TESK2: variants seen among roughly 807,000 people sequenced by gnomAD.
TESK2 encodes the protein dual specificity testis-specific protein kinase 2.
Under a neutral mutation model 57.1 loss-of-function variants are expected in TESK2, and 39 were observed. The ratio of observed to expected loss-of-function variants is 0.68; its 90% confidence interval spans 0.53 to 0.89. The LOEUF (loss-of-function observed/expected upper bound fraction) is 0.89, where lower values mean the gene tolerates loss of function less well. TESK2 is among the 40% of genes least tolerant of loss of function. The pLI is 0.00. For missense variants in TESK2, 646 were observed against 732.1 expected, an observed-to-expected ratio of 0.88 and a Z score of 1.36; for synonymous variants, 249 against 267.9, an observed-to-expected ratio of 0.93 and a Z score of 0.69.
At chr1:45,389,637 A>G (rs1649056889) in intron 3 of TESK2, among the ~76,000 whole-genome samples, 1 of 152,210 alleles carries the variant, frequency 6.6e-6, no homozygotes, top group Non-Finnish European at 1.5e-5. Context: ...AATAGAAAAC[A>G]CTAAGGCATT....
At chr1:45,396,494 C>T (rs1383621267) in intron 3 of TESK2, among the ~76,000 whole-genome samples, 1 of 146,114 alleles carries the variant, frequency 6.8e-6, no homozygotes, top group Non-Finnish European at 1.5e-5. Context: ...TGAGATAACT[C>T]TTTTTTTTTT....
chr1:45,374,650 C>T (rs1648333057), intron 4 of TESK2, among the ~76,000 whole-genome samples: 1 of 152,106 alleles, frequency 6.6e-6, no homozygotes, highest in Admixed American at 6.5e-5. Context: ...ATGAAACACT[C>T]TCTAATGAAA....
chr1:45,354,815 A>AAT lies in TESK2; in HGVS notation c.540+486_540+487dup, dbSNP rs199613712. Among the ~76,000 whole-genome samples, 195 of 40,674 alleles carry AAT rather than the reference A, an allele frequency of 4.8e-3. 2 individuals carry two copies. The highest frequency in any genetic ancestry group is 9.3e-3 in the South Asian group (7 of 756). The allele number at this position is 40,674 out of a possible 152,430, so 26.7% of individuals were successfully genotyped here. A position where few individuals can be genotyped will look rare whatever the true frequency, so the allele number is the denominator to read the frequency against. On this transcript the variant is annotated intron_variant, in intron 5 of 10. Transcript: ENST00000372086. ...AAAAAAAAAAAAAAAAAAAAAAAAA[A>AAT]ATATATATATATATATATATATATA...
chr1:45,483,850 A>G (rs1327433517), intron 1 of TESK2, among the ~76,000 whole-genome samples: 1 of 151,556 alleles, frequency 6.6e-6, no homozygotes, highest in Non-Finnish European at 1.5e-5. Flanking sequence ...AAAAAAAATT[A>G]GCCAGGCATG....
chr1:45,421,893 A>G (rs753407251), intron 2 of TESK2, 47 bp from the exon 3 acceptor site: 1 of 1,599,440 alleles, frequency 6.3e-7, no homozygotes, highest in South Asian at 1.1e-5. Flanking sequence ...GGCAATAGTT[A>G]TATGTGAGGT....
intron 1 of TESK2, among the ~76,000 whole-genome samples, chr1:45,488,796 C>A (rs777476227): frequency 2.0e-5 from 3 of 152,184 alleles, no homozygotes; most frequent in Non-Finnish European, 4.4e-5. Context: ...CATGATCTCA[C>A]TACTACCTTC....
rs540118104 is a variant in TESK2 at position 45,480,236 on chromosome 1, G to A, written c.-87+10616C>T. Reference sequence around the variant, plus strand: ...AGCACTTTGGGAGGCCGAGGTGGGCGGATCACAAGGTCAGGAGTTCGAGAT... The same window carrying A: ...AGCACTTTGGGAGGCCGAGGTGGGCAGATCACAAGGTCAGGAGTTCGAGAT... On this transcript the variant is annotated intron_variant, in intron 1 of 10. Coordinates refer to ENST00000372086, the MANE Select transcript of TESK2 (RefSeq NM_007170.3). Among the ~76,000 whole-genome samples the A allele has an allele frequency of 2.1e-4, 32 of 151,734 alleles. No individual in the cohort carries two copies. The South Asian group carries it at 3.3e-3, about 16-fold the overall frequency.
intron 1 of TESK2, among the ~76,000 whole-genome samples, chr1:45,463,882 C>T (rs967231628): frequency 6.6e-6 from 1 of 152,146 alleles, no homozygotes; most frequent in South Asian, 2.1e-4. Flanking sequence ...AGCCACCATG[C>T]CCAGCCTATG....
chr1:45,375,524 C>G (rs1014302228), intron 4 of TESK2, among the ~76,000 whole-genome samples: 1 of 150,764 alleles, frequency 6.6e-6, no homozygotes, highest in African/African-American at 2.4e-5. Flanking sequence ...AATTGTAAAC[C>G]ACCTAGCACT....
intron 3 of TESK2, among the ~76,000 whole-genome samples, chr1:45,399,140 ATT>A (rs753087306): frequency 1.2e-3 from 123 of 99,706 alleles, no homozygotes; most frequent in African/African-American, 5.3e-3. Context: ...AAAAGTTGAA[ATT>A]TTTTTTTTTT....
At chr1:45,449,697 C>T (rs1303777725) in intron 2 of TESK2, among the ~76,000 whole-genome samples, 1 of 152,016 alleles carries the variant, frequency 6.6e-6, no homozygotes. Context: ...CGTACAAGTG[C>T]CTGGAAGTAA....
At chr1:45,357,243 G>A (rs543288243) in intron 4 of TESK2, among the ~76,000 whole-genome samples, 15 of 149,536 alleles carry the variant, frequency 1.0e-4, no homozygotes, top group Admixed American at 3.3e-4. Flanking sequence ...ATAAATAAAT[G>A]TATGTATGTA....
chr1:45,419,267 C>T (rs1650368033), intron 3 of TESK2, among the ~76,000 whole-genome samples: 1 of 152,144 alleles, frequency 6.6e-6, no homozygotes, highest in South Asian at 2.1e-4. Flanking sequence ...TGAGCCGTCA[C>T]GCCCAGACTT....
intron 10 of TESK2, 129 bp downstream of exon 10, chr1:45,345,748 A>C: frequency 2.2e-6 from 2 of 894,810 alleles, no homozygotes; most frequent in Non-Finnish European, 3.5e-6. Context: ...TACTTTCTGC[A>C]TCATCTCCTT....
intron 2 of TESK2, among the ~76,000 whole-genome samples, chr1:45,454,128 A>G (rs1207905872): frequency 6.6e-6 from 1 of 152,204 alleles, no homozygotes; most frequent in East Asian, 1.9e-4. Context: ...AAAGTTAAAC[A>G]TAGATTGACT....
Position 45,343,927 on chromosome 1 carries a change from G to T in TESK2, c.*913C>A. ...ATTTTTAAGTCTGAAAATGTCTTGGGAAAGTTTTACAAAAAAAAAAATCAA... is the reference window on the plus strand; with the variant it reads ...ATTTTTAAGTCTGAAAATGTCTTGGTAAAGTTTTACAAAAAAAAAAATCAA... On this transcript the variant is annotated 3_prime_UTR_variant, in exon 11 of 11. Transcript: ENST00000372086. This position sits in a 1 kb window ranked among gnomAD's most constrained non-coding sequence, Gnocchi z 4.3. 2.4e-6 allele frequency: 1 copy of T among 420,302 alleles called. No homozygotes were observed. The highest frequency in any genetic ancestry group is 3.7e-5 in the East Asian group (1 of 27,050). 26.0% of individuals were successfully genotyped at this position (420,302 alleles called of 1,614,324 possible). A position where few individuals can be genotyped will look rare whatever the true frequency, so the allele number is the denominator to read the frequency against.
At chr1:45,354,788 A>C (rs1478625443) in intron 5 of TESK2, among the ~76,000 whole-genome samples, 3 of 50,340 alleles carry the variant, frequency 6.0e-5, no homozygotes, top group African/African-American at 2.4e-4. Context: ...GACCGTCTCA[A>C]AAAAAAAAAA....
chr1:45,457,156 A>G (rs748415710), intron 2 of TESK2, among the ~76,000 whole-genome samples: 4 of 152,092 alleles, frequency 2.6e-5, no homozygotes, highest in Admixed American at 6.6e-5. Flanking sequence ...CAAAAACTAT[A>G]TATGTGGGTG....
chr1:45,421,775 C>T lies in TESK2; in HGVS notation c.294G>A (p.Met98Ile), dbSNP rs1650488761. 4 of 1,613,968 alleles carry T rather than the reference C, an allele frequency of 2.5e-6. No individual in the cohort carries two copies. The highest frequency in any genetic ancestry group is 1.7e-5 in the Admixed American group (1 of 59,990). The change falls in exon 3 of 11, where the codon ATG becomes ATA. Residue 98 changes from methionine (M) to isoleucine (I), a missense_variant. Transcript: ENST00000372086. ...TATTCATGAGCTGTACTTCTTTCAG[C>T]ATGTTTGCCCGGTTACTGCTCAATG... ...MNTLSSNRANMLKEVQLMNRL... is the reference protein window; with the variant it reads ...MNTLSSNRANILKEVQLMNRL...
Sources: allele counts gnomAD v4.1 joint callset (sites outside exome capture counted in the v4.1 genomes callset), GRCh38; gene constraint gnomAD v4.1.1; non-coding constraint Gnocchi (gnomAD v3.1); transcripts MANE v1.5; gene names NCBI Gene and HGNC (gene_info 2026-07-23, HGNC 2026-07-21).